Variants in TANC2 observed in about 807,000 individuals in gnomAD.
The protein encoded by TANC2 is tetratricopeptide repeat, ankyrin repeat and coiled-coil containing 2.
A neutral mutation model predicts 210.5 loss-of-function variants in TANC2; 26 were observed. The observed-to-expected ratio is 0.12, with a 90% CI of 0.09 to 0.17. TANC2 has a LOEUF of 0.17. Among genes scored for constraint, TANC2 ranks in the 10% least tolerant of loss-of-function variants. The pLI, the probability that TANC2 is intolerant of heterozygous loss-of-function variation, is 1.00. For synonymous variants in TANC2, 931 were observed against 967.1 expected, an observed-to-expected ratio of 0.96 and a Z score of 0.69; for missense variants, 2,129 against 2,608.9, an observed-to-expected ratio of 0.82 and a Z score of 4.01.
chr17:63,009,847 T>G (rs2033787857), intron 2 of TANC2, among the ~76,000 whole-genome samples: 1 of 152,180 alleles, frequency 6.6e-6, no homozygotes, highest in Non-Finnish European at 1.5e-5. Context: ...GAAAAATATT[T>G]ATTTCTAATA....
chr17:63,272,309 G>GT (rs2043735703), intron 9 of TANC2, among the ~76,000 whole-genome samples: 2 of 152,002 alleles, frequency 1.3e-5, no homozygotes, highest in African/African-American at 4.8e-5. Flanking sequence ...TGTTCGGTTG[G>GT]TCTATGCGTC....
At chr17:62,999,315 G>C (rs368399721) in intron 1 of TANC2, among the ~76,000 whole-genome samples, 35 of 152,182 alleles carry the variant, frequency 2.3e-4, no homozygotes, top group East Asian at 1.2e-3. Flanking sequence ...TGGTGGAGCT[G>C]TGCTTCCTGT....
intron 9 of TANC2, among the ~76,000 whole-genome samples, chr17:63,280,846 G>C (rs2044037674): frequency 6.6e-6 from 1 of 152,060 alleles, no homozygotes; most frequent in African/African-American, 2.4e-5. Context: ...TATACTGGCT[G>C]TACTGTAAGA....
chr17:63,080,152 A>G (rs1481761546), intron 3 of TANC2, among the ~76,000 whole-genome samples: 1 of 152,228 alleles, frequency 6.6e-6, no homozygotes, highest in Non-Finnish European at 1.5e-5. Flanking sequence ...GAACAGTGCT[A>G]GTGCCTTGTA....
At chr17:63,328,623 A>G (rs936396148) in intron 11 of TANC2, among the ~76,000 whole-genome samples, 1 of 151,484 alleles carries the variant, frequency 6.6e-6, no homozygotes, top group Admixed American at 6.6e-5. Flanking sequence ...TAGTTACCAG[A>G]GACTGGGAGT....
intron 2 of TANC2, among the ~76,000 whole-genome samples, chr17:63,021,559 G>C (rs2034349481): frequency 1.3e-5 from 2 of 152,164 alleles, no homozygotes; most frequent in Admixed American, 1.3e-4. Flanking sequence ...GGACTTCCCA[G>C]CCTTCACAGC....
chr17:62,975,649 G>A (rs1468320196), intron 1 of TANC2, among the ~76,000 whole-genome samples: 2 of 150,456 alleles, frequency 1.3e-5, no homozygotes, highest in East Asian at 3.9e-4. Context: ...TTGCTCAGTT[G>A]TAAGTTTAGA....
intron 11 of TANC2, among the ~76,000 whole-genome samples, chr17:63,325,732 G>A (rs2045626617): frequency 6.6e-6 from 1 of 152,188 alleles, no homozygotes; most frequent in Non-Finnish European, 1.5e-5. Flanking sequence ...GGAGTATTCA[G>A]CTGGGTACTT....
At chr17:63,227,933 G>A (rs909579392) in intron 7 of TANC2, among the ~76,000 whole-genome samples, 4 of 151,758 alleles carry the variant, frequency 2.6e-5, no homozygotes, top group Non-Finnish European at 5.9e-5. Context: ...CTGCAATCTC[G>A]GCTCACGGCA....
At position 63,345,319 on chromosome 17, in the gene TANC2, A is replaced by G. The variant is rs187149733; in HGVS notation, c.1807+4987A>G. ...TGTCAGTTTTTTCTTAAACTATTCT[A>G]TAGATTAAACATAATCCTGGCTGGT... On this transcript the variant is annotated intron_variant, in intron 12 of 27. Transcript: ENST00000689528. Among the ~76,000 whole-genome samples the G allele has an allele frequency of 1.2e-4, 18 of 152,310 alleles. No individual in the cohort carries two copies. The East Asian group carries it at 3.5e-3, about 29-fold the overall frequency.
rs188714654 is a variant in TANC2 at position 63,346,124 on chromosome 17, A to T, written c.1808-5126A>T. ...CTTCACACTATACACCAAAATTAAT[A>T]TGAGATGGATCACAGACCTAAATAG... On this transcript the variant is annotated intron_variant, in intron 12 of 27. Transcript: ENST00000689528. Among the ~76,000 whole-genome samples, 3 of 152,344 alleles carry T rather than the reference A, an allele frequency of 2.0e-5. No homozygotes were observed. In the East Asian group the frequency reaches 5.8e-4, roughly 29 times the overall value.
intron 7 of TANC2, among the ~76,000 whole-genome samples, chr17:63,232,204 G>A (rs1299936206): frequency 6.6e-6 from 1 of 152,180 alleles, no homozygotes; most frequent in African/African-American, 2.4e-5. Flanking sequence ...GTTAGAACAT[G>A]CTCCTTCAGC....
rs559905457 is a variant in TANC2 at position 63,024,721 on chromosome 17, A to G, written c.67+15095A>G. On this transcript the variant is annotated intron_variant, in intron 2 of 27. Coordinates refer to ENST00000689528, the Ensembl canonical transcript of TANC2. ...ATTACCTAATTTAATCTGTGTAGCA[A>G]ATATGTGAGAGACTTTATAGGTGAG... Among the ~76,000 whole-genome samples, 21 of 152,304 alleles carry G rather than the reference A, an allele frequency of 1.4e-4. No individual in the cohort carries two copies. In the South Asian group the frequency reaches 4.4e-3, roughly 32 times the overall value.
chr17:63,309,727 A>G (rs796339886), intron 9 of TANC2, among the ~76,000 whole-genome samples: 7 of 152,238 alleles, frequency 4.6e-5, no homozygotes, highest in African/African-American at 1.4e-4. Context: ...TCCGGAAATT[A>G]TTTTTGAAAC....
chr17:63,060,055 A>G (rs1024231457), intron 2 of TANC2, among the ~76,000 whole-genome samples: 4 of 152,218 alleles, frequency 2.6e-5, no homozygotes, highest in African/African-American at 7.2e-5. Flanking sequence ...TTTTTACTGT[A>G]CTTCTGTACT....
intron 1 of TANC2, among the ~76,000 whole-genome samples, chr17:62,989,913 G>A (rs2032771586): frequency 6.6e-6 from 1 of 151,796 alleles, no homozygotes; most frequent in South Asian, 2.1e-4. Context: ...TGGGACTACA[G>A]GTGCGCACCG....
intron 4 of TANC2, among the ~76,000 whole-genome samples, chr17:63,134,198 ATT>A (rs1447479636): frequency 6.6e-6 from 1 of 151,880 alleles, no homozygotes; most frequent in Non-Finnish European, 1.5e-5. Context: ...ACTTCTTGTA[ATT>A]TTTCATCCGC....
chr17:63,203,742 A>G (rs1450430138), intron 7 of TANC2, among the ~76,000 whole-genome samples: 2 of 152,180 alleles, frequency 1.3e-5, no homozygotes, highest in Non-Finnish European at 2.9e-5. Flanking sequence ...CTTAGAGCAC[A>G]TTCAAAGAGC....
intron 19 of TANC2, among the ~76,000 whole-genome samples, chr17:63,403,794 T>C (rs888156955): frequency 2.6e-5 from 4 of 152,252 alleles, no homozygotes; most frequent in Non-Finnish European, 4.4e-5. Flanking sequence ...GTCCTTCTTA[T>C]CCTTGCAGAA....
Sources: allele counts gnomAD v4.1 joint callset (sites outside exome capture counted in the v4.1 genomes callset), GRCh38; gene constraint gnomAD v4.1.1; transcripts MANE v1.5; gene names NCBI Gene and HGNC (gene_info 2026-07-23, HGNC 2026-07-21).